Variants in AAMDC observed in about 807,000 individuals in gnomAD.
The protein encoded by AAMDC is adipogenesis associated Mth938 domain containing, also known as mth938 domain-containing protein.
Under a neutral mutation model 15.5 loss-of-function variants are expected in AAMDC, and 16 were observed. That is an observed-to-expected ratio of 1.03 (90% CI 0.70 to 1.57). The LOEUF (loss-of-function observed/expected upper bound fraction) is 1.57. Among genes scored for constraint, AAMDC ranks in the 40% most tolerant of loss-of-function variants. The pLI, the probability that AAMDC is intolerant of heterozygous loss-of-function variation, is 0.00. For synonymous variants in AAMDC, 51 were observed against 51.6 expected, an observed-to-expected ratio of 0.99 and a Z score of 0.05; for missense variants, 141 against 144.9, an observed-to-expected ratio of 0.97 and a Z score of 0.14.
intron 1 of AAMDC, among the ~76,000 whole-genome samples, chr11:77,831,015 C>T (rs535800833): frequency 1.4e-5 from 2 of 139,342 alleles, no homozygotes; most frequent in South Asian, 4.6e-4. Flanking sequence ...AAAAAATAGC[C>T]AGACATGGTG....
downstream of AAMDC, chr11:77,903,547 G>T (rs746244022): frequency 6.2e-7 from 1 of 1,613,566 alleles, no homozygotes; most frequent in African/African-American, 1.3e-5. Context: ...TACCTGTTTC[G>T]CTGCTGCTGA....
At chr11:77,860,584 A>G (rs1950834166) in intron 2 of AAMDC, among the ~76,000 whole-genome samples, 1 of 152,248 alleles carries the variant, frequency 6.6e-6, no homozygotes, top group Non-Finnish European at 1.5e-5. Flanking sequence ...TAAATCATCC[A>G]TGTACTGAAG....
At chr11:77,857,077 A>C (rs757626726) in intron 2 of AAMDC, among the ~76,000 whole-genome samples, 2 of 152,238 alleles carry the variant, frequency 1.3e-5, no homozygotes, top group African/African-American at 4.8e-5. Context: ...ATCACCCAAC[A>C]TTAAAAGATA....
chr11:77,900,136 G>A (rs925041358), intron 5 of AAMDC, among the ~76,000 whole-genome samples: 27 of 150,686 alleles, frequency 1.8e-4, no homozygotes, highest in African/African-American at 6.4e-4. Context: ...GTCTTGCTCT[G>A]TTGCCCAGGC....
At chr11:77,888,662 C>T (rs1314420660) in intron 5 of AAMDC, among the ~76,000 whole-genome samples, 2 of 152,124 alleles carry the variant, frequency 1.3e-5, no homozygotes, top group African/African-American at 2.4e-5. Context: ...AGAAAATTTT[C>T]GTAACCTACT....
Position 77,895,784 on chromosome 11 carries a change from A to G in AAMDC, c.329-4787A>G, listed in dbSNP as rs1952491613. On this transcript the variant is annotated intron_variant, in intron 5 of 5. Coordinates refer to the AAMDC transcript ENST00000304716. ...AGAGACTCCAGGAAGTAAAATACAAAAAGATTTGGGAACTCTCCCCAAACG... is the reference window on the plus strand; with the variant it reads ...AGAGACTCCAGGAAGTAAAATACAAGAAGATTTGGGAACTCTCCCCAAACG... Among the ~76,000 whole-genome samples, 3 of 152,106 alleles carry G rather than the reference A, an allele frequency of 2.0e-5. No homozygotes were observed. In the South Asian group the frequency reaches 6.2e-4, roughly 32 times the overall value.
In AAMDC at chr11:77,896,741, G is replaced by C. The variant is rs551837588; in HGVS notation, c.329-3830G>C. ...CAAAAGAAAAGGTATAGGAAAAATAGATCCAGAAAATCCAACATTTAGTAT... is the reference window on the plus strand; with the variant it reads ...CAAAAGAAAAGGTATAGGAAAAATACATCCAGAAAATCCAACATTTAGTAT... On this transcript the variant is annotated intron_variant, in intron 5 of 5. Coordinates refer to the AAMDC transcript ENST00000304716. 3.1e-4 allele frequency among the ~76,000 whole-genome samples: 45 copies of C among 147,536 alleles called. No homozygotes were observed. The South Asian group carries it at 9.1e-3, about 30-fold the overall frequency.
At chr11:77,857,662 G>A (rs1462920088) in intron 2 of AAMDC, among the ~76,000 whole-genome samples, 1 of 150,538 alleles carries the variant, frequency 6.6e-6, no homozygotes, top group Non-Finnish European at 1.5e-5. Flanking sequence ...CATGTGCCAG[G>A]ATGGTTTGCT....
chr11:77,892,443 G>A (rs1220029860), intron 5 of AAMDC, among the ~76,000 whole-genome samples: 8 of 152,302 alleles, frequency 5.3e-5, no homozygotes, highest in South Asian at 2.1e-4. Flanking sequence ...AAGAACATCA[G>A]ATGAAGAACT....
intron 1 of AAMDC, among the ~76,000 whole-genome samples, chr11:77,827,415 C>T (rs537530706): frequency 6.6e-6 from 1 of 152,178 alleles, no homozygotes; most frequent in South Asian, 2.1e-4. Context: ...CAGTTCCAAC[C>T]ACATATAAAA....
chr11:77,901,255 C>T, downstream of AAMDC: 1 of 779,258 alleles, frequency 1.3e-6, no homozygotes, highest in Non-Finnish European at 2.2e-6. Context: ...TCTGATCCAA[C>T]AACAGAATTT....
chr11:77,844,360 C>G (rs909127263), intron 2 of AAMDC, among the ~76,000 whole-genome samples: 3 of 151,700 alleles, frequency 2.0e-5, no homozygotes, highest in African/African-American at 7.3e-5. Context: ...ACAGTTTTTT[C>G]TTTCTTTCTT....
chr11:77,856,336 C>T (rs991916871), intron 2 of AAMDC, among the ~76,000 whole-genome samples: 5 of 152,194 alleles, frequency 3.3e-5, no homozygotes, highest in African/African-American at 1.2e-4. Context: ...TGGTCACAAC[C>T]ATTCAACAGG....
chr11:77,894,306 C>G (rs1464345756), intron 5 of AAMDC: 1 of 1,555,602 alleles, frequency 6.4e-7, no homozygotes, highest in Admixed American at 1.8e-5. Flanking sequence ...AAAAAGTCTA[C>G]TTCCTGTAAA....
At chr11:77,864,411 G>A (rs1375969926) in intron 2 of AAMDC, among the ~76,000 whole-genome samples, 1 of 151,928 alleles carries the variant, frequency 6.6e-6, no homozygotes, top group Non-Finnish European at 1.5e-5. Context: ...CTGCACTCCA[G>A]CCTGGGCAAC....
chr11:77,840,280 G>A (rs148187871), intron 1 of AAMDC, among the ~76,000 whole-genome samples: 6 of 152,196 alleles, frequency 3.9e-5, no homozygotes, highest in African/African-American at 9.6e-5. Flanking sequence ...TGTAATCCCA[G>A]CACTTTGGGA....
intron 5 of AAMDC, among the ~76,000 whole-genome samples, chr11:77,880,857 AC>A (rs1951763877): frequency 6.6e-6 from 1 of 152,076 alleles, no homozygotes; most frequent in South Asian, 2.1e-4. Flanking sequence ...GGTGGGAGGA[AC>A]CACTTGAGCC....
intron 2 of AAMDC, among the ~76,000 whole-genome samples, chr11:77,849,755 T>C (rs1009343837): frequency 1.3e-5 from 2 of 152,242 alleles, no homozygotes; most frequent in Admixed American, 6.5e-5. Context: ...CTTCCAAACC[T>C]GTCATGATCT....
chr11:77,828,053 A>G (rs1199189034), intron 1 of AAMDC, among the ~76,000 whole-genome samples: 1 of 152,040 alleles, frequency 6.6e-6, no homozygotes, highest in Non-Finnish European at 1.5e-5. Context: ...TAGGTGGATC[A>G]CTTGAGGCCA....
Sources: gnomAD v4.1 joint callset for allele counts (sites outside exome capture counted in the v4.1 genomes callset) on GRCh38, gnomAD v4.1.1 for gene constraint, MANE v1.5 for transcripts, NCBI Gene and HGNC (gene_info 2026-07-23, HGNC 2026-07-21) for gene names.